The following MACROD2 variants were observed in gnomAD, a reference collection of about 807,000 sequenced individuals.
MACROD2 encodes ADP-ribose glycohydrolase MACROD2.
Under a neutral mutation model 70.4 loss-of-function variants are expected in MACROD2, and 36 were observed. The ratio of observed to expected loss-of-function variants is 0.51; its 90% confidence interval spans 0.39 to 0.68. The LOEUF (loss-of-function observed/expected upper bound fraction) is 0.68. Among genes scored for constraint, MACROD2 ranks in the 30% least tolerant of loss-of-function variants. The pLI is 0.00. For synonymous variants in MACROD2, 172 were observed against 178.8 expected (o/e 0.96, Z 0.30); for missense variants, 496 against 538.4 (o/e 0.92, Z 0.78).
At chr20:15,165,733 G>A (rs2076379364) in intron 5 of MACROD2, among the ~76,000 whole-genome samples, 1 of 152,098 alleles carries the variant, frequency 6.6e-6, no homozygotes, top group African/African-American at 2.4e-5. Flanking sequence ...ATGTTAAGAG[G>A]CCAATATAAT....
chr20:15,910,933 G>A (rs2065227412), intron 10 of MACROD2, among the ~76,000 whole-genome samples: 1 of 152,150 alleles, frequency 6.6e-6, no homozygotes, highest in Non-Finnish European at 1.5e-5. Flanking sequence ...ACCCATCTCT[G>A]TGCTCTGCCT....
chr20:14,395,159 A>G (rs930904451), intron 3 of MACROD2, among the ~76,000 whole-genome samples: 1 of 152,032 alleles, frequency 6.6e-6, no homozygotes, highest in African/African-American at 2.4e-5. Flanking sequence ...TAGTATTGGT[A>G]TTATTTTCTC....
chr20:14,123,904 T>C (rs1404785112), intron 3 of MACROD2, among the ~76,000 whole-genome samples: 2 of 152,162 alleles, frequency 1.3e-5, no homozygotes, highest in African/African-American at 4.8e-5. Context: ...CTGAAGATGC[T>C]TATCTTTCCC....
intron 8 of MACROD2, among the ~76,000 whole-genome samples, chr20:15,764,015 T>A (rs2051481154): frequency 6.6e-6 from 1 of 152,196 alleles, no homozygotes; most frequent in Admixed American, 6.5e-5. Flanking sequence ...GAGTTACATT[T>A]GTAAGTGGGA....
At chr20:16,012,892 A>G (rs1406111557) in intron 15 of MACROD2, among the ~76,000 whole-genome samples, 1 of 152,204 alleles carries the variant, frequency 6.6e-6, no homozygotes, top group Non-Finnish European at 1.5e-5. Flanking sequence ...TAGAAGAGCT[A>G]GAAAGTTGGC....
chr20:14,019,272 G>A (rs75885290), intron 2 of MACROD2, among the ~76,000 whole-genome samples: 6,615 of 152,160 alleles, frequency 0.043, 211 homozygotes, highest in Non-Finnish European at 0.063. Context: ...AATTTGGAGC[G>A]TAGTGTTTGT....
intron 4 of MACROD2, among the ~76,000 whole-genome samples, chr20:14,621,248 G>C (rs952512940): frequency 3.9e-5 from 6 of 152,098 alleles, no homozygotes; most frequent in African/African-American, 7.2e-5. Flanking sequence ...TATTATTACT[G>C]TGTTGTGTGT....
chr20:15,794,869 TGATCA>T (rs1294708565), intron 8 of MACROD2, among the ~76,000 whole-genome samples: 10 of 152,214 alleles, frequency 6.6e-5, no homozygotes, highest in Non-Finnish European at 1.5e-4. Flanking sequence ...TGATTAGCTA[TGATCA>T]GATAGACCGA....
intron 6 of MACROD2, among the ~76,000 whole-genome samples, chr20:15,394,390 G>A (rs1382460960): frequency 2.6e-5 from 4 of 152,100 alleles, no homozygotes; most frequent in Non-Finnish European, 1.5e-5. Flanking sequence ...CCAAGCTCTG[G>A]TAGACCTCTC....
chr20:14,085,713 G>GCTAT lies in MACROD2; in HGVS notation c.257_260dup (p.Val88TyrfsTer21). 1 of 1,540,318 alleles carries GCTAT rather than the reference G, an allele frequency of 6.5e-7. No homozygotes were observed. The highest frequency in any genetic ancestry group is 8.7e-7 in the Non-Finnish European group (1 of 1,143,600). On this transcript the variant is annotated frameshift_variant, in exon 3 of 18. Coordinates refer to ENST00000684519, the MANE Select transcript of MACROD2 (RefSeq NM_001351661.2). LOFTEE classifies it high-confidence loss of function. ...TGACATCACATTGCTAGAGGTAGAT[G>GCTAT]CTATAGTCAATGCCGGTGAGTAGTT... is the stretch of plus-strand genomic sequence containing the variant.
At chr20:14,303,505 C>G (rs1202602845) in intron 3 of MACROD2, among the ~76,000 whole-genome samples, 1 of 152,186 alleles carries the variant, frequency 6.6e-6, no homozygotes, top group Non-Finnish European at 1.5e-5. Flanking sequence ...CTCATCTCTG[C>G]TTTATTTGGC....
At chr20:15,155,548 ACT>A (rs1285276944) in intron 5 of MACROD2, among the ~76,000 whole-genome samples, 1 of 151,292 alleles carries the variant, frequency 6.6e-6, no homozygotes, top group African/African-American at 2.4e-5. Flanking sequence ...GAACTTACTG[ACT>A]CTTCCTAGTG....
rs2084193010 is a variant in MACROD2 at position 14,447,243 on chromosome 20, C to CAGGA, written c.272-46236_272-46235insAGGA. On this transcript the variant is annotated intron_variant, in intron 3 of 17. Coordinates refer to ENST00000684519, the MANE Select transcript of MACROD2 (RefSeq NM_001351661.2). ...CCATGTTGGCCAAGCTAGTCTTGTACTCCTGACCTTGTGATTCACCTGCCT... is the reference window on the plus strand; with the variant it reads ...CCATGTTGGCCAAGCTAGTCTTGTACAGGATCCTGACCTTGTGATTCACCTGCCT... Among the ~76,000 whole-genome samples, 4 of 152,218 alleles carry CAGGA rather than the reference C, an allele frequency of 2.6e-5. No individual in the cohort carries two copies. In the South Asian group the frequency reaches 6.2e-4, roughly 24 times the overall value.
At chr20:15,874,413 C>T (rs1168701593) in intron 9 of MACROD2, among the ~76,000 whole-genome samples, 1 of 152,030 alleles carries the variant, frequency 6.6e-6, no homozygotes, top group East Asian at 1.9e-4. Flanking sequence ...GATTTATAAT[C>T]CTTTGGGTAT....
intron 5 of MACROD2, among the ~76,000 whole-genome samples, chr20:15,053,632 T>A (rs2075460396): frequency 6.6e-6 from 1 of 152,222 alleles, no homozygotes; most frequent in South Asian, 2.1e-4. Flanking sequence ...ACCCAAGAGC[T>A]GTACTGGAGA....
chr20:15,504,277 C>G (rs1233452975), intron 8 of MACROD2, among the ~76,000 whole-genome samples: 1 of 152,076 alleles, frequency 6.6e-6, no homozygotes, highest in East Asian at 1.9e-4. Flanking sequence ...TAAGAGGACT[C>G]AGAAACCCGA....
rs559954196 is a variant in MACROD2, at chr20:15,268,674, G to A, written c.540+38613G>A. Among the ~76,000 whole-genome samples, 5 of 152,186 alleles carry A rather than the reference G, an allele frequency of 3.3e-5. No individual in the cohort carries two copies. In the East Asian group the frequency reaches 9.7e-4, roughly 29 times the overall value. Reference sequence around the variant, plus strand: ...CTCAAAATACATAAATAAATAAATTGAAATTCCCTTCCCTTTTTCCTTACT... The same window carrying A: ...CTCAAAATACATAAATAAATAAATTAAAATTCCCTTCCCTTTTTCCTTACT... On this transcript the variant is annotated intron_variant, in intron 6 of 17. Transcript: ENST00000684519.
chr20:14,488,109 A>G (rs1455796281), intron 3 of MACROD2, among the ~76,000 whole-genome samples: 2 of 152,194 alleles, frequency 1.3e-5, no homozygotes, highest in Admixed American at 1.3e-4. Flanking sequence ...CATTCTCTCA[A>G]ATAAGCATAT....
chr20:14,348,851 T>A (rs2083091075), intron 3 of MACROD2, among the ~76,000 whole-genome samples: 1 of 152,162 alleles, frequency 6.6e-6, no homozygotes, highest in Admixed American at 6.5e-5. Context: ...GCAGATCACT[T>A]GAGCCTAGGA....
Sources: gnomAD v4.1 joint callset for allele counts (sites outside exome capture counted in the v4.1 genomes callset) on GRCh38, gnomAD v4.1.1 for gene constraint, MANE v1.5 for transcripts, NCBI Gene and HGNC (gene_info 2026-07-23, HGNC 2026-07-21) for gene names.